Variants in GRIN2A observed in about 807,000 individuals in gnomAD.
GRIN2A encodes glutamate receptor ionotropic, NMDA 2A.
Under a neutral mutation model 113.4 loss-of-function variants are expected in GRIN2A, and 22 were observed. That is an observed-to-expected ratio of 0.19 (90% confidence interval 0.14 to 0.28). GRIN2A has a LOEUF of 0.28. Among genes scored for constraint, GRIN2A ranks in the 10% least tolerant of loss-of-function variants. GRIN2A has a pLI of 1.00. For synonymous variants in GRIN2A, 827 were observed against 738.4 expected (o/e 1.12, Z -1.94); for missense variants, 1,502 against 1,887.0 (o/e 0.80, Z 3.78).
chr16:9,766,695 C>T (rs1900940811), intron 12 of GRIN2A, among the ~76,000 whole-genome samples: 1 of 152,136 alleles, frequency 6.6e-6, no homozygotes, highest in Non-Finnish European at 1.5e-5. Context: ...GCGCTCCAGC[C>T]TGGGCAACAG....
intron 4 of GRIN2A, among the ~76,000 whole-genome samples, chr16:9,857,342 T>C (rs906177868): frequency 6.6e-6 from 1 of 152,252 alleles, no homozygotes; most frequent in South Asian, 2.1e-4. Context: ...AAATATACCA[T>C]ACTAATGTCA....
At chr16:9,793,877 GA>G (rs1435294249) in intron 11 of GRIN2A, among the ~76,000 whole-genome samples, 49 of 152,086 alleles carry the variant, frequency 3.2e-4, no homozygotes, top group African/African-American at 1.1e-3. Context: ...TGAATTACTA[GA>G]AACGTTTCGA....
In GRIN2A at chr16:9,822,391, G is replaced by T; in HGVS notation, c.2041C>A (p.Arg681=). 2 of 1,612,468 alleles carry T rather than the reference G, an allele frequency of 1.2e-6. No individual in the cohort carries two copies. Among genetic ancestry groups the T allele is most frequent in the Non-Finnish European group, 8.5e-7 (1 of 1,178,590 alleles). ...QRPHDYSPPF[R]FGTVPNGSTE... ...CTTCCATTAGGCACTGTCCCAAATC[G>T]AAAAGGTGGGGAATAGTCATGAGGT... The change falls in exon 10 of 13, where the codon CGA becomes AGA. Residue 681 remains arginine, a synonymous_variant. Coordinates refer to ENST00000330684, the MANE Select transcript of GRIN2A (RefSeq NM_001134407.3).
intron 2 of GRIN2A, among the ~76,000 whole-genome samples, chr16:10,026,854 A>G (rs566684898): frequency 6.6e-6 from 1 of 152,136 alleles, no homozygotes; most frequent in Non-Finnish European, 1.5e-5. Flanking sequence ...GAACCTCAGG[A>G]AGAACTGCAC....
At chr16:9,973,782 TG>T (rs764728679) in intron 2 of GRIN2A, among the ~76,000 whole-genome samples, 7 of 151,932 alleles carry the variant, frequency 4.6e-5, no homozygotes, top group African/African-American at 1.7e-4. Context: ...TTATAAGTGC[TG>T]GGGGGAAAAA....
At chr16:9,826,150 C>A (rs2042383619) in intron 9 of GRIN2A, among the ~76,000 whole-genome samples, 1 of 152,068 alleles carries the variant, frequency 6.6e-6, no homozygotes, top group South Asian at 2.1e-4. Context: ...AATGTCTTCT[C>A]TTTTATAGGA....
intron 5 of GRIN2A, among the ~76,000 whole-genome samples, chr16:9,841,357 C>A (rs1046864465): frequency 6.6e-6 from 1 of 152,164 alleles, no homozygotes; most frequent in African/African-American, 2.4e-5. Flanking sequence ...AGGCTTCATA[C>A]TAATTGTTGA....
intron 2 of GRIN2A, among the ~76,000 whole-genome samples, chr16:10,127,729 G>A (rs1410398319): frequency 6.6e-6 from 1 of 152,142 alleles, no homozygotes; most frequent in South Asian, 2.1e-4. Flanking sequence ...TCAGGCACTG[G>A]AAGCAAGAAA....
chr16:9,901,227 C>T (rs567051348), intron 3 of GRIN2A, among the ~76,000 whole-genome samples: 123 of 151,734 alleles, frequency 8.1e-4, no homozygotes, highest in Non-Finnish European at 1.6e-3. Flanking sequence ...TCTCAACTCT[C>T]TGTCTTTTTG....
chr16:9,997,431 G>GT (rs1567225120), intron 2 of GRIN2A, among the ~76,000 whole-genome samples: 1 of 152,072 alleles, frequency 6.6e-6, no homozygotes, highest in Non-Finnish European at 1.5e-5. Context: ...ATCTCCTTCT[G>GT]TTTTTCCTTT....
chr16:9,806,119 T>C (rs1596443115), intron 10 of GRIN2A, among the ~76,000 whole-genome samples: 1 of 152,386 alleles, frequency 6.6e-6, no homozygotes, highest in South Asian at 2.1e-4. Context: ...ATAGCGTAGT[T>C]AAATTGTTTC....
Position 9,763,319 on chromosome 16 carries a change from C to G in GRIN2A, c.4225G>C (p.Ala1409Pro), listed in dbSNP as rs1900676694. 6.2e-7 allele frequency: 1 copy of G among 1,614,116 alleles called. No individual in the cohort carries two copies. Among genetic ancestry groups the G allele is most frequent in the Middle Eastern group, 1.6e-4 (1 of 6,062 alleles). Residue 1409 changes from alanine to proline, a missense_variant, in exon 13 of 13, where the codon GCA (alanine) becomes CCA (proline). Physicochemically the swap from Ala to Pro is conservative, Grantham distance 27. Coordinates refer to ENST00000330684, the MANE Select transcript of GRIN2A (RefSeq NM_001134407.3). ...SYLRSSLRST[A>P]SYCSRDSRGH... Reference sequence around the variant, plus strand: ...CGACTGTCCCTGGAACAGTACGATGCCGTTGACCTCAAGGACGACCGAAGA... The same window carrying G: ...CGACTGTCCCTGGAACAGTACGATGGCGTTGACCTCAAGGACGACCGAAGA...
At chr16:10,155,368 T>C (rs2049667495) in intron 2 of GRIN2A, among the ~76,000 whole-genome samples, 1 of 152,130 alleles carries the variant, frequency 6.6e-6, no homozygotes, top group Admixed American at 6.5e-5. Context: ...GTAATCAACA[T>C]CTGATGGGCC....
In GRIN2A at chr16:10,074,566, A is replaced by G. The variant is rs185267388; in HGVS notation, c.414+105432T>C. 7.4e-4 allele frequency among the ~76,000 whole-genome samples: 112 copies of G among 152,376 alleles called. 1 individual carries two copies. The highest frequency in any genetic ancestry group is 3.4e-3 in the Middle Eastern group (1 of 294). Reference sequence around the variant, plus strand: ...ATACACCCATAAAAAGGAATGAAGTACTGATACCTTCTACAACATGGATGG... The same window carrying G: ...ATACACCCATAAAAAGGAATGAAGTGCTGATACCTTCTACAACATGGATGG... On this transcript the variant is annotated intron_variant, in intron 2 of 12. Coordinates refer to ENST00000330684, the MANE Select transcript of GRIN2A (RefSeq NM_001134407.3).
At chr16:10,087,086 G>GCAAA (rs1366665234) in intron 2 of GRIN2A, among the ~76,000 whole-genome samples, 5 of 152,216 alleles carry the variant, frequency 3.3e-5, no homozygotes, top group Non-Finnish European at 7.3e-5. Context: ...GGCTAAAGCT[G>GCAAA]TAGGCTCGAG....
chr16:9,876,820 T>A (rs1025202846), intron 4 of GRIN2A, among the ~76,000 whole-genome samples: 6 of 152,168 alleles, frequency 3.9e-5, no homozygotes, highest in Non-Finnish European at 7.3e-5. Flanking sequence ...ATTAGATGAT[T>A]AATCTTTGGA....
rs1596343999 is a variant in GRIN2A, at chr16:9,937,783, T to C, written c.1007+176A>G. On this transcript the variant is annotated intron_variant, in intron 3 of 12. Transcript: ENST00000330684. ...GCAGGAAACAAAGTCTAATGTGACT[T>C]TTCTTACAAAGGAGATGAAAGAAAG... The C allele has an allele frequency of 1.5e-5, 9 of 619,180 alleles. No individual in the cohort carries two copies. The South Asian group carries it at 1.7e-4, about 12-fold the overall frequency. The allele number at this position is 619,180 out of a possible 1,614,324, so 38.4% of individuals were successfully genotyped here.
chr16:10,066,951 A>G (rs1000216032), intron 2 of GRIN2A, among the ~76,000 whole-genome samples: 1 of 152,296 alleles, frequency 6.6e-6, no homozygotes, highest in East Asian at 1.9e-4. Flanking sequence ...CCAGCGTTCA[A>G]AAACAAAGGA....
At chr16:9,907,146 G>A (rs11864425) in intron 3 of GRIN2A, among the ~76,000 whole-genome samples, 1,700 of 152,258 alleles carry the variant, frequency 0.011, 31 homozygotes, top group African/African-American at 0.039. Context: ...AGCCATCGAA[G>A]GACATTTAGG....
Sources: gnomAD v4.1 joint callset for allele counts (sites outside exome capture counted in the v4.1 genomes callset) on GRCh38, gnomAD v4.1.1 for gene constraint, MANE v1.5 for transcripts, NCBI Gene and HGNC (gene_info 2026-07-23, HGNC 2026-07-21) for gene names.